PDZD2: variants seen among roughly 807,000 people sequenced by gnomAD.
The protein encoded by PDZD2 is PDZ domain-containing protein 2.
In PDZD2, 90 loss-of-function variants were observed where a neutral mutation model predicts 220.7. The observed-to-expected ratio is 0.41, with a 90% CI of 0.34 to 0.49. The LOEUF is 0.49. Among genes scored for constraint, PDZD2 ranks in the 20% least tolerant of loss-of-function variants. The pLI is 0.28. For synonymous variants in PDZD2, 1,375 were observed against 1,450.5 expected, an observed-to-expected ratio of 0.95 and a Z score of 1.18; for missense variants, 3,174 against 3,608.5, an observed-to-expected ratio of 0.88 and a Z score of 3.08.
intron 2 of PDZD2, chr5:31,843,861 A>G (rs376601368): frequency 6.6e-6 from 1 of 152,176 alleles, no homozygotes; most frequent in African/African-American, 2.4e-5. Context: ...AAGCCTGGAG[A>G]GGAAGCCACG....
intron 2 of PDZD2, among the ~76,000 whole-genome samples, chr5:31,822,237 T>G (rs1003664455): frequency 1.6e-4 from 25 of 151,990 alleles, no homozygotes; most frequent in Non-Finnish European, 3.5e-4. Context: ...TTATGATTTA[T>G]ATGTGTACAT....
intron 1 of PDZD2, among the ~76,000 whole-genome samples, chr5:31,757,870 G>C (rs1213052146): frequency 6.6e-6 from 1 of 152,210 alleles, no homozygotes; most frequent in Admixed American, 6.5e-5. Context: ...ACCCGCACCA[G>C]CTGTGCTGGG....
chr5:31,654,712 A>G (rs1745479600), intron 1 of PDZD2, among the ~76,000 whole-genome samples: 2 of 152,216 alleles, frequency 1.3e-5, no homozygotes, highest in South Asian at 2.1e-4. Flanking sequence ...CATGGAAGCT[A>G]CACTCATCTC....
At chr5:31,935,132 CAG>C (rs1561124954) in intron 2 of PDZD2, among the ~76,000 whole-genome samples, 1 of 150,726 alleles carries the variant, frequency 6.6e-6, no homozygotes, top group East Asian at 1.9e-4. Flanking sequence ...AAGAAGTAAA[CAG>C]AGGATGTTTG....
intron 2 of PDZD2, among the ~76,000 whole-genome samples, chr5:31,810,263 A>ATTT (rs11418133): frequency 3.0e-5 from 4 of 132,746 alleles, no homozygotes; most frequent in East Asian, 2.2e-4. Context: ...TTCTCCAGAG[A>ATTT]TTTTTTTTTT....
chr5:32,080,557 A>G (rs1741835041), intron 19 of PDZD2, among the ~76,000 whole-genome samples: 2 of 152,096 alleles, frequency 1.3e-5, no homozygotes, highest in South Asian at 2.1e-4. Context: ...GAAGAGGGAC[A>G]GCAAAGGGTT....
At chr5:31,972,422 G>A (rs1355508778) in intron 2 of PDZD2, among the ~76,000 whole-genome samples, 1 of 151,432 alleles carries the variant, frequency 6.6e-6, no homozygotes, top group Non-Finnish European at 1.5e-5. Flanking sequence ...CCTTTTCAGT[G>A]TTTTCTATTT....
In PDZD2 at chr5:31,762,650, T is replaced by C. The variant is rs574342061; in HGVS notation, c.-360-36239T>C. 9.2e-5 allele frequency among the ~76,000 whole-genome samples: 14 copies of C among 152,328 alleles called. No homozygotes were observed. In the East Asian group the frequency reaches 2.5e-3, roughly 27 times the overall value. ...TCCCTTCAGTGTGACTGTTTGACAC[T>C]TGAAGCAGTTCACAGCTGTGCATCA... On this transcript the variant is annotated intron_variant, in intron 1 of 24. Transcript: ENST00000438447.
At chr5:31,689,353 A>ATATATATTTTTTTTTTTTTTT in intron 1 of PDZD2, among the ~76,000 whole-genome samples, 1 of 35,122 alleles carries the variant, frequency 2.8e-5, no homozygotes, top group African/African-American at 2.1e-4. Context: ...ATATATATAT[A>ATATATATTTTTTTTTTTTTTT]TTTTTTTTTT....
intron 2 of PDZD2, among the ~76,000 whole-genome samples, chr5:31,874,689 A>C (rs1318176490): frequency 6.6e-6 from 1 of 150,790 alleles, no homozygotes; most frequent in Non-Finnish European, 1.5e-5. Flanking sequence ...TGAACCAAGA[A>C]GGCAGAGGTT....
chr5:32,019,398 C>A (rs140187065), intron 6 of PDZD2, among the ~76,000 whole-genome samples: 2,506 of 152,318 alleles, frequency 0.016, 40 homozygotes, highest in Non-Finnish European at 0.026. Flanking sequence ...CCCGTCTCAG[C>A]CTCCCAAAGT....
chr5:31,954,996 T>G (rs150987059), intron 2 of PDZD2, among the ~76,000 whole-genome samples: 143 of 152,042 alleles, frequency 9.4e-4, no homozygotes, highest in African/African-American at 3.2e-3. Context: ...CCAAATTGAG[T>G]GTAATCATAT....
At chr5:31,865,123 A>G (rs989507889) in intron 2 of PDZD2, among the ~76,000 whole-genome samples, 1 of 152,104 alleles carries the variant, frequency 6.6e-6, no homozygotes, top group African/African-American at 2.4e-5. Flanking sequence ...CTGGGATTAC[A>G]GGCGTGAACC....
intron 2 of PDZD2, among the ~76,000 whole-genome samples, chr5:31,955,323 C>G (rs968304111): frequency 1.3e-5 from 2 of 151,348 alleles, no homozygotes; most frequent in African/African-American, 4.9e-5. Context: ...TTTTTCGAGA[C>G]GAAGTCTTGC....
At chr5:31,965,422 T>C (rs866113681) in intron 2 of PDZD2, among the ~76,000 whole-genome samples, 1 of 151,124 alleles carries the variant, frequency 6.6e-6, no homozygotes, top group Non-Finnish European at 1.5e-5. Flanking sequence ...GGCACCATGA[T>C]GTTCTACACA....
intron 1 of PDZD2, among the ~76,000 whole-genome samples, chr5:31,761,376 A>G (rs1367679007): frequency 6.6e-6 from 1 of 152,076 alleles, no homozygotes; most frequent in African/African-American, 2.4e-5. Context: ...ATAACGTGAG[A>G]AATGTTCCAA....
chr5:32,104,164 T>C (rs1744513408), intron 24 of PDZD2, among the ~76,000 whole-genome samples: 1 of 151,928 alleles, frequency 6.6e-6, no homozygotes, highest in Non-Finnish European at 1.5e-5. Flanking sequence ...TCCCGGCACT[T>C]TGGGAGGCTA....
intron 3 of PDZD2, among the ~76,000 whole-genome samples, chr5:31,990,750 C>A (rs1033975566): frequency 6.6e-6 from 1 of 152,186 alleles, no homozygotes; most frequent in African/African-American, 2.4e-5. Context: ...AGGTTCTTAT[C>A]TCACAGCATT....
At chr5:32,052,588 C>T (rs749444887) in intron 8 of PDZD2, 23 bp from the exon 9 acceptor site, 1 of 1,611,660 alleles carries the variant, frequency 6.2e-7, no homozygotes, top group Admixed American at 1.7e-5. Flanking sequence ...TAATCTCTGA[C>T]CTTGCCGTGT....
Sources: allele counts gnomAD v4.1 joint callset (sites outside exome capture counted in the v4.1 genomes callset), GRCh38; gene constraint gnomAD v4.1.1; transcripts MANE v1.5; gene names NCBI Gene and HGNC (gene_info 2026-07-23, HGNC 2026-07-21).